Variants in LYPD6B observed in about 807,000 individuals in gnomAD.
The protein encoded by LYPD6B is ly6/PLAUR domain-containing protein 6B.
LYPD6B carries 17 observed loss-of-function variants against 22.8 expected under a neutral mutation model. The observed-to-expected ratio is 0.75, with a 90% confidence interval of 0.51 to 1.12. The LOEUF is 1.12. Ranked by LOEUF, LYPD6B falls within the 50% of genes most tolerant of loss-of-function variation. LYPD6B has a pLI of 0.00. For missense variants in LYPD6B, 221 were observed against 258.3 expected (o/e 0.86, Z 0.99); for synonymous variants, 106 against 91.6 (o/e 1.16, Z -0.90).
chr2:149,121,675 T>C (rs1432259880), intron 1 of LYPD6B, among the ~76,000 whole-genome samples: 1 of 151,850 alleles, frequency 6.6e-6, no homozygotes, highest in Non-Finnish European at 1.5e-5. Flanking sequence ...GAAGGGGTGG[T>C]AGAAGGAAGT....
At position 149,098,715 on chromosome 2, in the gene LYPD6B, T is replaced by C. The variant is rs1051739312; in HGVS notation, c.-66-32168T>C. Among the ~76,000 whole-genome samples the C allele has an allele frequency of 8.6e-5, 13 of 151,142 alleles. 1 individual carries two copies. The highest frequency in any genetic ancestry group is 1.5e-5 in the Non-Finnish European group (1 of 67,834). Reference sequence around the variant, plus strand: ...TAAGCTTATCTATTGCATGAGTACATTGGAACTTTGTTTTATGTATCTACT... The same window carrying C: ...TAAGCTTATCTATTGCATGAGTACACTGGAACTTTGTTTTATGTATCTACT... On this transcript the variant is annotated intron_variant, in intron 1 of 6. Coordinates refer to ENST00000409642, the MANE Select transcript of LYPD6B (RefSeq NM_177964.5).
intron 3 of LYPD6B, among the ~76,000 whole-genome samples, chr2:149,165,754 G>C (rs73963730): frequency 5.5e-4 from 84 of 152,252 alleles, no homozygotes; most frequent in African/African-American, 2.0e-3. Flanking sequence ...AGGAGGTCAG[G>C]CTTCAGAGTC....
chr2:149,195,774 T>G (rs947653010), intron 3 of LYPD6B, among the ~76,000 whole-genome samples: 8 of 152,150 alleles, frequency 5.3e-5, no homozygotes, highest in Non-Finnish European at 1.2e-4. Context: ...GATTTAATAA[T>G]TTGACAAAAA....
intron 2 of LYPD6B, among the ~76,000 whole-genome samples, chr2:149,151,697 T>C (rs1302382034): frequency 1.3e-5 from 2 of 152,178 alleles, no homozygotes; most frequent in Non-Finnish European, 2.9e-5. Flanking sequence ...TGGAGAAGTG[T>C]TGTATTGTTA....
intron 2 of LYPD6B, among the ~76,000 whole-genome samples, chr2:149,160,051 G>C (rs1689959557): frequency 6.6e-6 from 1 of 151,980 alleles, no homozygotes; most frequent in South Asian, 2.1e-4. Flanking sequence ...CTACTCAAGA[G>C]GCTAAGATGG....
At chr2:149,055,040 A>G (rs756719669) in intron 1 of LYPD6B, among the ~76,000 whole-genome samples, 16 of 152,126 alleles carry the variant, frequency 1.1e-4, no homozygotes, top group Non-Finnish European at 1.6e-4. Context: ...CCATGTAGAT[A>G]TTTGATCTAT....
intron 1 of LYPD6B, among the ~76,000 whole-genome samples, chr2:149,039,900 T>A (rs1264973359): frequency 6.6e-6 from 1 of 152,166 alleles, no homozygotes; most frequent in Non-Finnish European, 1.5e-5. Context: ...TTTCTTTGGG[T>A]TGGGTTTTGG....
chr2:149,171,579 A>G (rs761535362), intron 3 of LYPD6B, among the ~76,000 whole-genome samples: 4 of 147,202 alleles, frequency 2.7e-5, no homozygotes, highest in Admixed American at 6.8e-5. Flanking sequence ...TTGTTACTTT[A>G]TATCTGTGAG....
At chr2:149,081,572 T>C (rs1166115005) in intron 1 of LYPD6B, among the ~76,000 whole-genome samples, 4 of 152,130 alleles carry the variant, frequency 2.6e-5, no homozygotes, top group Non-Finnish European at 5.9e-5. Context: ...AACAAGGAAC[T>C]CAGTGTGTGG....
chr2:149,163,566 T>C (rs1690225156), intron 3 of LYPD6B, among the ~76,000 whole-genome samples: 1 of 152,260 alleles, frequency 6.6e-6, no homozygotes, highest in Non-Finnish European at 1.5e-5. Flanking sequence ...GTGTTAGCTT[T>C]GTTTATAACA....
At chr2:149,174,804 G>T (rs934311464) in intron 3 of LYPD6B, among the ~76,000 whole-genome samples, 7 of 151,616 alleles carry the variant, frequency 4.6e-5, no homozygotes, top group African/African-American at 1.7e-4. Flanking sequence ...GGTGGGAGGA[G>T]GGAGAGAATC....
chr2:149,165,331 T>C (rs1005211765), intron 3 of LYPD6B, among the ~76,000 whole-genome samples: 2 of 152,190 alleles, frequency 1.3e-5, no homozygotes, highest in African/African-American at 4.8e-5. Flanking sequence ...CACCTCTAAC[T>C]TGGAGTAGCT....
At chr2:149,183,163 G>T (rs1318338290) in intron 3 of LYPD6B, among the ~76,000 whole-genome samples, 1 of 152,178 alleles carries the variant, frequency 6.6e-6, no homozygotes, top group African/African-American at 2.4e-5. Context: ...CAAGCTTGAT[G>T]TATCTACTGT....
intron 1 of LYPD6B, among the ~76,000 whole-genome samples, chr2:149,127,748 G>A (rs561100923): frequency 3.3e-5 from 5 of 152,262 alleles, no homozygotes; most frequent in African/African-American, 1.2e-4. Flanking sequence ...TGTGCTAGGA[G>A]CAGAAAAATG....
intron 1 of LYPD6B, among the ~76,000 whole-genome samples, chr2:149,063,537 AT>A (rs1199219695): frequency 2.0e-5 from 3 of 152,238 alleles, no homozygotes; most frequent in Admixed American, 6.5e-5. Flanking sequence ...AAAAGCTGCC[AT>A]GTATATTTGG....
intron 1 of LYPD6B, among the ~76,000 whole-genome samples, chr2:149,043,899 C>T (rs1114326): frequency 6.6e-6 from 1 of 152,032 alleles, no homozygotes; most frequent in South Asian, 2.1e-4. Flanking sequence ...CCTTTCTTCC[C>T]TTGAATTGTC....
intron 1 of LYPD6B, among the ~76,000 whole-genome samples, chr2:149,092,050 G>A (rs541471931): frequency 2.6e-5 from 4 of 152,154 alleles, no homozygotes; most frequent in South Asian, 2.1e-4. Context: ...AGGAGAGGAA[G>A]AGAGAGGGAG....
chr2:149,189,585 G>T (rs892186957), intron 3 of LYPD6B, among the ~76,000 whole-genome samples: 2 of 151,802 alleles, frequency 1.3e-5, no homozygotes, highest in Non-Finnish European at 2.9e-5. Flanking sequence ...GTTGGTGCCT[G>T]TTGGTCTGTA....
At chr2:149,099,469 G>A (rs1285554606) in intron 1 of LYPD6B, among the ~76,000 whole-genome samples, 1 of 151,946 alleles carries the variant, frequency 6.6e-6, no homozygotes, top group Non-Finnish European at 1.5e-5. Flanking sequence ...AGGATCCTTG[G>A]TCCCCTCATG....
Sources: gnomAD v4.1 joint callset for allele counts (sites outside exome capture counted in the v4.1 genomes callset) on GRCh38, gnomAD v4.1.1 for gene constraint, MANE v1.5 for transcripts, NCBI Gene and HGNC (gene_info 2026-07-23, HGNC 2026-07-21) for gene names.